Variants in ELMO1 observed in about 807,000 individuals in gnomAD.
ELMO1 encodes the protein engulfment and cell motility 1, also known as engulfment and cell motility protein 1.
In ELMO1, 26 loss-of-function variants were observed where a neutral mutation model predicts 98.9. The ratio of observed to expected loss-of-function variants is 0.26; its 90% CI spans 0.19 to 0.36. The LOEUF is 0.36. Among genes scored for constraint, ELMO1 ranks in the 10% least tolerant of loss-of-function variants. The pLI, the probability that ELMO1 is intolerant of heterozygous loss-of-function variation, is 1.00. For synonymous variants in ELMO1, 346 were observed against 346.0 expected (o/e 1.00, Z 0.00); for missense variants, 627 against 935.2 (o/e 0.67, Z 4.30).
chr7:37,251,225 T>C (rs1795332273), intron 6 of ELMO1, among the ~76,000 whole-genome samples: 1 of 152,226 alleles, frequency 6.6e-6, no homozygotes, highest in Non-Finnish European at 1.5e-5. Flanking sequence ...ATCTTTTTGA[T>C]ATTTGTTTCT....
At chr7:37,113,682 C>T (rs79814131) in intron 14 of ELMO1, among the ~76,000 whole-genome samples, 4,249 of 152,286 alleles carry the variant, frequency 0.028, 95 homozygotes, top group East Asian at 0.1. Context: ...AGCTCCAACC[C>T]GCTGTATAGC....
At chr7:37,446,550 T>A (rs1805626245) in intron 1 of ELMO1, among the ~76,000 whole-genome samples, 1 of 152,160 alleles carries the variant, frequency 6.6e-6, no homozygotes, top group African/African-American at 2.4e-5. Flanking sequence ...GCAAAGGCCC[T>A]AGGGAGAGAA....
At chr7:36,900,507 A>G (rs1399526527) in intron 16 of ELMO1, among the ~76,000 whole-genome samples, 3 of 152,204 alleles carry the variant, frequency 2.0e-5, no homozygotes, top group Non-Finnish European at 4.4e-5. Context: ...TATAAAGCAC[A>G]CTTTCACAAA....
chr7:37,046,648 G>A (rs1488059297), intron 15 of ELMO1, among the ~76,000 whole-genome samples: 1 of 152,182 alleles, frequency 6.6e-6, no homozygotes, highest in East Asian at 1.9e-4. Flanking sequence ...ATCAAAGAAT[G>A]AAGGAAATGT....
intron 18 of ELMO1, among the ~76,000 whole-genome samples, chr7:36,883,885 G>A (rs932014886): frequency 3.3e-5 from 5 of 152,162 alleles, no homozygotes; most frequent in African/African-American, 1.2e-4. Flanking sequence ...AGGAGTCCAG[G>A]GAACACAGAA....
At chr7:37,122,714 T>G (rs996067959) in intron 14 of ELMO1, among the ~76,000 whole-genome samples, 1 of 152,078 alleles carries the variant, frequency 6.6e-6, no homozygotes, top group African/African-American at 2.4e-5. Context: ...CTGTCAACAT[T>G]AGACAGATCA....
chr7:37,193,004 TATATACAC>T (rs1791728336), intron 13 of ELMO1, among the ~76,000 whole-genome samples: 1 of 82,830 alleles, frequency 1.2e-5, no homozygotes. Context: ...TATATATATA[TATATACAC>T]ACACACACAT....
chr7:37,188,445 C>CACACACGCAA (rs1235016013), intron 13 of ELMO1, among the ~76,000 whole-genome samples: 2 of 33,786 alleles, frequency 5.9e-5, no homozygotes, highest in African/African-American at 4.5e-4. Flanking sequence ...CACACACACA[C>CACACACGCAA]ACACACGCAA....
At chr7:36,866,751 T>C (rs538874114) in intron 20 of ELMO1, among the ~76,000 whole-genome samples, 5 of 152,290 alleles carry the variant, frequency 3.3e-5, no homozygotes, top group African/African-American at 1.2e-4. Flanking sequence ...AGCCAGCAAT[T>C]TGCCTTGGTT....
Position 37,351,504 on chromosome 7 carries a change from G to A in ELMO1, c.-73-8741C>T, listed in dbSNP as rs576330455. Among the ~76,000 whole-genome samples, 50 of 152,322 alleles carry A rather than the reference G, an allele frequency of 3.3e-4. 1 individual carries two copies. In the South Asian group the frequency reaches 9.7e-3, roughly 30 times the overall value. ...ACAATAGGAAAGAATGAGGCAAGGA[G>A]AAGCAAAGACAAGTCAAGAGGAAAA... is the stretch of plus-strand genomic sequence containing the variant. On this transcript the variant is annotated intron_variant, in intron 1 of 21. Transcript: ENST00000310758.
At chr7:37,250,283 C>T (rs1257042255) in intron 6 of ELMO1, among the ~76,000 whole-genome samples, 1 of 151,984 alleles carries the variant, frequency 6.6e-6, no homozygotes, top group Non-Finnish European at 1.5e-5. Flanking sequence ...TATTTAATCA[C>T]ATGGAAATAT....
chr7:37,285,707 AT>A (rs1251218094), intron 4 of ELMO1, among the ~76,000 whole-genome samples: 1 of 152,156 alleles, frequency 6.6e-6, no homozygotes, highest in African/African-American at 2.4e-5. Flanking sequence ...AAAATGCCTA[AT>A]ATTATGGGTA....
At chr7:37,442,552 A>AT (rs1349323605) in intron 1 of ELMO1, among the ~76,000 whole-genome samples, 3 of 152,160 alleles carry the variant, frequency 2.0e-5, no homozygotes, top group African/African-American at 7.2e-5. Context: ...TACTGTTCTC[A>AT]TTTTTTATTA....
intron 15 of ELMO1, among the ~76,000 whole-genome samples, chr7:37,096,105 T>C (rs1784352833): frequency 6.6e-6 from 1 of 152,250 alleles, no homozygotes; most frequent in South Asian, 2.1e-4. Context: ...AATAAAAATA[T>C]TGCTGACCAC....
At chr7:37,231,083 G>A (rs1794147669) in intron 8 of ELMO1, among the ~76,000 whole-genome samples, 1 of 152,166 alleles carries the variant, frequency 6.6e-6, no homozygotes, top group Admixed American at 6.5e-5. Context: ...TTTTCTGTGT[G>A]TTTTCTACAG....
intron 15 of ELMO1, among the ~76,000 whole-genome samples, chr7:37,084,466 G>A (rs756516932): frequency 1.3e-5 from 2 of 152,204 alleles, no homozygotes; most frequent in African/African-American, 2.4e-5. Flanking sequence ...CTTACAGTCT[G>A]TAAGGAAGAC....
At chr7:37,163,811 T>A (rs1789419241) in intron 13 of ELMO1, among the ~76,000 whole-genome samples, 1 of 152,242 alleles carries the variant, frequency 6.6e-6, no homozygotes, top group Non-Finnish European at 1.5e-5. Context: ...TGTGCATGTG[T>A]CTTTATAGCA....
At chr7:37,332,002 G>C (rs1275516376) in intron 2 of ELMO1, among the ~76,000 whole-genome samples, 2 of 152,146 alleles carry the variant, frequency 1.3e-5, no homozygotes, top group Non-Finnish European at 2.9e-5. Flanking sequence ...ATACAGGTCA[G>C]GGTGGTCAAC....
At chr7:37,089,094 T>C (rs1387221313) in intron 15 of ELMO1, among the ~76,000 whole-genome samples, 1 of 152,204 alleles carries the variant, frequency 6.6e-6, no homozygotes, top group Non-Finnish European at 1.5e-5. Flanking sequence ...AAGTGACGGA[T>C]GGTACTTCTC....
Sources: allele counts gnomAD v4.1 joint callset (sites outside exome capture counted in the v4.1 genomes callset), GRCh38; gene constraint gnomAD v4.1.1; transcripts MANE v1.5; gene names NCBI Gene and HGNC (gene_info 2026-07-23, HGNC 2026-07-21).